Variants in ZMYM2 observed in about 807,000 individuals in gnomAD.
The protein encoded by ZMYM2 is zinc finger MYM-type containing 2.
Under a neutral mutation model 162.8 loss-of-function variants are expected in ZMYM2, and 56 were observed. The ratio of observed to expected loss-of-function variants is 0.34; its 90% CI spans 0.28 to 0.43. The LOEUF is 0.43. Ranked by LOEUF, ZMYM2 falls within the 20% of genes least tolerant of loss-of-function variation. The probability of loss-of-function intolerance (pLI) is 1.00; values close to 1 mark genes in which losing one functional copy is unlikely to be tolerated. For missense variants in ZMYM2, 1,275 were observed against 1,621.8 expected, an observed-to-expected ratio of 0.79 and a Z score of 3.67; for synonymous variants, 510 against 541.6, an observed-to-expected ratio of 0.94 and a Z score of 0.81.
the ZMYM2 span, among the ~76,000 whole-genome samples, chr13:19,883,852 G>C: frequency 6.6e-6 from 1 of 152,166 alleles, no homozygotes; most frequent in Non-Finnish European, 1.5e-5. Flanking sequence ...CACCTCCCAA[G>C]TTTGAGTAAC....
chr13:19,915,961 G>A, the ZMYM2 span, among the ~76,000 whole-genome samples: 1 of 151,288 alleles, frequency 6.6e-6, no homozygotes, highest in Admixed American at 6.6e-5. Flanking sequence ...CCGGGTTCAC[G>A]CCATTCTCCT....
the ZMYM2 span, among the ~76,000 whole-genome samples, chr13:19,949,103 C>CAAAA: frequency 2.0e-5 from 3 of 148,868 alleles, no homozygotes; most frequent in Non-Finnish European, 1.5e-5. Flanking sequence ...CTTATCTTCA[C>CAAAA]AAAAAAAAAA....
intron 6 of ZMYM2, among the ~76,000 whole-genome samples, chr13:20,013,075 T>C (rs1259939238): frequency 6.6e-6 from 1 of 152,234 alleles, no homozygotes; most frequent in African/African-American, 2.4e-5. Context: ...TAGTAAGTTA[T>C]TCTGTCTGTG....
In ZMYM2 at chr13:20,088,265, C is replaced by T. The variant is rs1249416525; in HGVS notation, c.*2251C>T. 1 of 208,260 alleles carries T rather than the reference C, an allele frequency of 4.8e-6. No homozygotes were observed. The highest frequency in any genetic ancestry group is 2.3e-5 in the African/African-American group (1 of 44,000). The allele number at this position is 208,260 out of a possible 1,614,324, so 12.9% of individuals were successfully genotyped here. ...AGAATTGTTTGTTCTGTGAAACTCACTTCACCTAGAACACATTTCATTGAT... is the reference window on the plus strand; with the variant it reads ...AGAATTGTTTGTTCTGTGAAACTCATTTCACCTAGAACACATTTCATTGAT... On this transcript the variant is annotated 3_prime_UTR_variant, in exon 25 of 25. Coordinates refer to ENST00000610343, the MANE Select transcript of ZMYM2 (RefSeq NM_197968.4).
intron 2 of ZMYM2, among the ~76,000 whole-genome samples, chr13:19,973,300 C>A (rs866387765): frequency 1.2e-4 from 19 of 152,090 alleles, no homozygotes; most frequent in African/African-American, 4.3e-4. Flanking sequence ...ATGGAGAAAT[C>A]CATTTTATTC....
intron 11 of ZMYM2, among the ~76,000 whole-genome samples, chr13:20,035,393 CT>C (rs903965119): frequency 6.6e-6 from 1 of 152,062 alleles, no homozygotes; most frequent in African/African-American, 2.4e-5. Flanking sequence ...TACATTTCAC[CT>C]GGAATGGAAA....
At chr13:20,031,708 G>A (rs1252235203) in intron 10 of ZMYM2, among the ~76,000 whole-genome samples, 1 of 151,924 alleles carries the variant, frequency 6.6e-6, no homozygotes, top group Non-Finnish European at 1.5e-5. Context: ...GTTTAGCTAC[G>A]TACCTAGAGC....
chr13:19,905,292 C>T, the ZMYM2 span, among the ~76,000 whole-genome samples: 26 of 152,238 alleles, frequency 1.7e-4, no homozygotes, highest in East Asian at 4.6e-3. Flanking sequence ...GGATTACAGG[C>T]GTGAGCCACT....
chr13:19,959,355 G>C (rs1336943117), intron 1 of ZMYM2, among the ~76,000 whole-genome samples: 2 of 152,134 alleles, frequency 1.3e-5, no homozygotes, highest in Non-Finnish European at 2.9e-5. Flanking sequence ...CGGGGTGAGG[G>C]CTGCTGCCTC....
At chr13:20,033,320 G>T (rs1953374094) in intron 10 of ZMYM2, among the ~76,000 whole-genome samples, 2 of 152,024 alleles carry the variant, frequency 1.3e-5, no homozygotes, top group Non-Finnish European at 1.5e-5. Flanking sequence ...TTACATGGAG[G>T]TTAAGTGTTA....
At chr13:19,983,784 A>G (rs1362760057) in intron 2 of ZMYM2, among the ~76,000 whole-genome samples, 2 of 151,220 alleles carry the variant, frequency 1.3e-5, no homozygotes, top group Non-Finnish European at 1.5e-5. Flanking sequence ...GTGCATCACT[A>G]TGCCCATCTA....
chr13:20,071,222 A>G (rs977481037), intron 21 of ZMYM2, among the ~76,000 whole-genome samples: 4 of 152,164 alleles, frequency 2.6e-5, no homozygotes, highest in Non-Finnish European at 5.9e-5. Context: ...ACAGGTGCCC[A>G]CCATCATGCC....
At chr13:20,011,749 T>G (rs887287586) in intron 6 of ZMYM2, among the ~76,000 whole-genome samples, 8 of 143,818 alleles carry the variant, frequency 5.6e-5, no homozygotes, top group Non-Finnish European at 9.2e-5. Flanking sequence ...CTAATTTTTG[T>G]TTTTTTTTTT....
At chr13:19,885,943 A>ACACACATATATG in the ZMYM2 span, among the ~76,000 whole-genome samples, 1 of 24,416 alleles carries the variant, frequency 4.1e-5, no homozygotes, top group East Asian at 1.2e-3. Context: ...ACACATATAT[A>ACACACATATATG]TGTATATACA....
intron 19 of ZMYM2, among the ~76,000 whole-genome samples, chr13:20,065,560 C>G (rs1016334404): frequency 1.3e-5 from 2 of 152,160 alleles, no homozygotes; most frequent in Non-Finnish European, 2.9e-5. Flanking sequence ...TTACAGCACT[C>G]AGGAAGGCTG....
intron 7 of ZMYM2, 83 bp downstream of exon 7, chr13:20,019,701 C>G (rs1419976722): frequency 7.0e-6 from 9 of 1,277,474 alleles, no homozygotes; most frequent in Non-Finnish European, 8.8e-6. Context: ...TCTGAAAAAT[C>G]TTGTCCAATT....
intron 14 of ZMYM2, among the ~76,000 whole-genome samples, chr13:20,057,041 C>T (rs992599671): frequency 7.2e-5 from 11 of 152,146 alleles, no homozygotes; most frequent in East Asian, 5.8e-4. Flanking sequence ...GACCACACAG[C>T]GCAGTACCTC....
At chr13:20,043,927 G>A (rs1056270902) in intron 12 of ZMYM2, among the ~76,000 whole-genome samples, 10 of 152,082 alleles carry the variant, frequency 6.6e-5, no homozygotes, top group African/African-American at 1.9e-4. Context: ...GTCAAGTTCC[G>A]TCTGCCAGGG....
the ZMYM2 span, among the ~76,000 whole-genome samples, chr13:19,911,972 T>C: frequency 5.9e-5 from 9 of 152,200 alleles, no homozygotes; most frequent in Non-Finnish European, 1.0e-4. Context: ...ATTCAACTCA[T>C]CTATTTGGCC....
Sources: gnomAD v4.1 joint callset for allele counts (sites outside exome capture counted in the v4.1 genomes callset) on GRCh38, gnomAD v4.1.1 for gene constraint, MANE v1.5 for transcripts, NCBI Gene and HGNC (gene_info 2026-07-23, HGNC 2026-07-21) for gene names.